The following CLIC4 variants were observed in gnomAD, a reference collection of about 807,000 sequenced individuals.
The protein encoded by CLIC4 is CLIC family member 4.
In CLIC4, 13 loss-of-function variants were observed where a neutral mutation model predicts 24.6. The observed-to-expected ratio is 0.53, with a 90% CI of 0.34 to 0.84. The LOEUF (loss-of-function observed/expected upper bound fraction) is 0.84. CLIC4 is among the 40% of genes least tolerant of loss of function. The pLI is 0.01. For synonymous variants in CLIC4, 104 were observed against 111.3 expected, an observed-to-expected ratio of 0.93 and a Z score of 0.41; for missense variants, 227 against 301.7, an observed-to-expected ratio of 0.75 and a Z score of 1.83.
Position 24,797,785 on chromosome 1 carries a change from A to G in CLIC4, c.116A>G (p.Gln39Arg). 1 of 1,613,620 alleles carries G rather than the reference A, an allele frequency of 6.2e-7. No individual in the cohort carries two copies. Among genetic ancestry groups the G allele is most frequent in the African/African-American group, 1.3e-5 (1 of 75,002 alleles). ...GESIGNCPFS[Q>R]RLFMILWLKG... ...AGCATAGGAAACTGCCCCTTTTCCC[A>G]GAGGCTCTTCATGATTCTTTGGCTC... Residue 39 changes from glutamine to arginine, a missense_variant, in exon 2 of 6, where the codon CAG (glutamine) becomes CGG (arginine). By Grantham distance (43) the Gln-to-Arg change is conservative. Transcript: ENST00000374379.
At chr1:24,820,775 A>G (rs1034452969) in intron 3 of CLIC4, among the ~76,000 whole-genome samples, 2 of 152,228 alleles carry the variant, frequency 1.3e-5, no homozygotes, top group South Asian at 2.1e-4. Context: ...CTTATTATAT[A>G]AATTCTTCCA....
intron 2 of CLIC4, among the ~76,000 whole-genome samples, chr1:24,810,596 C>T (rs1271249006): frequency 3.3e-5 from 5 of 152,004 alleles, no homozygotes; most frequent in African/African-American, 1.2e-4. Flanking sequence ...TGGTGAGATC[C>T]TCATCTCTAC....
intron 3 of CLIC4, among the ~76,000 whole-genome samples, chr1:24,815,326 C>T (rs968319431): frequency 5.3e-5 from 8 of 152,042 alleles, no homozygotes; most frequent in African/African-American, 1.4e-4. Context: ...GAAGAAACCC[C>T]GTCTCTACTA....
At chr1:24,768,488 A>T (rs1403437019) in intron 1 of CLIC4, among the ~76,000 whole-genome samples, 6 of 152,060 alleles carry the variant, frequency 3.9e-5, no homozygotes, top group Non-Finnish European at 7.4e-5. Flanking sequence ...GATAGTGTAG[A>T]TCTACAGGTT....
At chr1:24,805,569 G>A (rs906995401) in intron 2 of CLIC4, among the ~76,000 whole-genome samples, 3 of 151,966 alleles carry the variant, frequency 2.0e-5, no homozygotes, top group African/African-American at 4.8e-5. Context: ...AAAGGAACTC[G>A]ATTTTTTTTT....
intron 4 of CLIC4, 59 bp from the exon 5 acceptor site, chr1:24,839,801 T>C: frequency 6.9e-7 from 1 of 1,441,744 alleles, no homozygotes; most frequent in Non-Finnish European, 9.5e-7. Context: ...TGCTTCTCCT[T>C]GGGGACTTGA....
intron 3 of CLIC4, among the ~76,000 whole-genome samples, chr1:24,817,629 A>G (rs907355725): frequency 4.6e-5 from 7 of 152,220 alleles, no homozygotes; most frequent in Admixed American, 2.0e-4. Context: ...GAATAGCACT[A>G]TTAAATTTCC....
chr1:24,822,341 CTTTTTTTT>C (rs71032865), intron 3 of CLIC4, among the ~76,000 whole-genome samples: 3,957 of 75,720 alleles, frequency 0.052, 220 homozygotes, highest in African/African-American at 0.16. Flanking sequence ...TCAGTGAATT[CTTTTTTTT>C]TTTTTTTTTT....
intron 4 of CLIC4, 62 bp from the exon 5 acceptor site, chr1:24,839,798 C>A: frequency 7.0e-7 from 1 of 1,422,550 alleles, no homozygotes; most frequent in Non-Finnish European, 9.7e-7. Flanking sequence ...GTCTGCTTCT[C>A]CTTGGGGACT....
intron 3 of CLIC4, among the ~76,000 whole-genome samples, chr1:24,819,809 G>A (rs1314349469): frequency 6.7e-6 from 1 of 148,926 alleles, no homozygotes; most frequent in Non-Finnish European, 1.5e-5. Context: ...GCACAATCTC[G>A]ACTCACTGCA....
chr1:24,826,926 G>A, intron 3 of CLIC4, 84 bp from the exon 4 acceptor site: 1 of 842,056 alleles, frequency 1.2e-6, no homozygotes, highest in East Asian at 2.6e-5. Flanking sequence ...AAGACGTCTA[G>A]TAACTGCTAG....
chr1:24,801,159 T>A (rs1639485099), intron 2 of CLIC4, among the ~76,000 whole-genome samples: 1 of 152,162 alleles, frequency 6.6e-6, no homozygotes, highest in Non-Finnish European at 1.5e-5. Context: ...CACAACATGA[T>A]TTGCTATTAT....
chr1:24,818,034 T>C (rs1639688427), intron 3 of CLIC4, among the ~76,000 whole-genome samples: 1 of 152,144 alleles, frequency 6.6e-6, no homozygotes, highest in Middle Eastern at 3.2e-3. Context: ...AGATCACTAA[T>C]CACAGATCAT....
intron 1 of CLIC4, among the ~76,000 whole-genome samples, chr1:24,761,429 T>C (rs1638926388): frequency 6.6e-6 from 1 of 152,062 alleles, no homozygotes. Flanking sequence ...GAGTAGTAAT[T>C]AGAATGAGGG....
intron 2 of CLIC4, among the ~76,000 whole-genome samples, chr1:24,808,908 C>T (rs1391286838): frequency 6.6e-6 from 1 of 152,070 alleles, no homozygotes; most frequent in Admixed American, 6.5e-5. Flanking sequence ...AAACTCCCGA[C>T]CTCAAGTGAT....
intron 1 of CLIC4, among the ~76,000 whole-genome samples, chr1:24,749,959 G>A (rs1233057018): frequency 6.6e-6 from 1 of 152,200 alleles, no homozygotes; most frequent in African/African-American, 2.4e-5. Context: ...AGCTGGGTGT[G>A]GTGATACATG....
At chr1:24,835,387 A>G (rs1297837528) in intron 4 of CLIC4, among the ~76,000 whole-genome samples, 2 of 152,006 alleles carry the variant, frequency 1.3e-5, no homozygotes, top group African/African-American at 4.8e-5. Flanking sequence ...ACATGGCATA[A>G]CCCCATCTCT....
intron 2 of CLIC4, among the ~76,000 whole-genome samples, chr1:24,804,464 T>TG (rs1419142321): frequency 5.6e-5 from 1 of 17,832 alleles, no homozygotes; most frequent in African/African-American, 2.4e-4. Context: ...GGGTGGGTGG[T>TG]GGGGTGTGTG....
chr1:24,819,381 G>A (rs1639703068), intron 3 of CLIC4, among the ~76,000 whole-genome samples: 1 of 151,838 alleles, frequency 6.6e-6, no homozygotes, highest in Non-Finnish European at 1.5e-5. Flanking sequence ...ATAAATTGAA[G>A]CTTTATACGT....
Sources: allele counts gnomAD v4.1 joint callset (sites outside exome capture counted in the v4.1 genomes callset), GRCh38; gene constraint gnomAD v4.1.1; transcripts MANE v1.5; gene names NCBI Gene and HGNC (gene_info 2026-07-23, HGNC 2026-07-21).